NXPH2: variants seen among roughly 807,000 people sequenced by gnomAD.
The protein encoded by NXPH2 is neurexophilin 2.
In NXPH2, 5 loss-of-function variants were observed where a neutral mutation model predicts 19.8. The observed-to-expected ratio is 0.25, with a 90% CI of 0.13 to 0.53. NXPH2 has a LOEUF of 0.53. NXPH2 is among the 20% of genes least tolerant of loss of function. The probability of loss-of-function intolerance (pLI) is 0.96; values close to 1 mark genes in which losing one functional copy is unlikely to be tolerated. For synonymous variants in NXPH2, 154 were observed against 127.4 expected, an observed-to-expected ratio of 1.21 and a Z score of -1.41; for missense variants, 289 against 322.8, an observed-to-expected ratio of 0.90 and a Z score of 0.80.
intron 1 of NXPH2, among the ~76,000 whole-genome samples, chr2:138,771,187 T>A (rs1682169428): frequency 6.6e-6 from 1 of 152,102 alleles, no homozygotes. Flanking sequence ...ACAATTTAAA[T>A]ATTAATTAGA....
rs562110527 is a variant in NXPH2 at position 138,703,115 on chromosome 2, T to C, written c.52-31450A>G. ...CCAGGAACTTAAAGTCCATTTTTCTTTTATATCGTCAGGACCCAGTGACTG... is the reference window on the plus strand; with the variant it reads ...CCAGGAACTTAAAGTCCATTTTTCTCTTATATCGTCAGGACCCAGTGACTG... On this transcript the variant is annotated intron_variant, in intron 1 of 1. Transcript: ENST00000272641. Among the ~76,000 whole-genome samples, 46 of 152,308 alleles carry C rather than the reference T, an allele frequency of 3.0e-4. 2 individuals carry two copies. In the South Asian group the frequency reaches 9.5e-3, roughly 32 times the overall value.
chr2:138,688,839 C>T (rs1010070248), intron 1 of NXPH2, among the ~76,000 whole-genome samples: 3 of 152,172 alleles, frequency 2.0e-5, no homozygotes, highest in Admixed American at 1.3e-4. Context: ...CCCCCAACCC[C>T]CGGCCGAAAC....
chr2:138,691,437 A>T (rs1680745374), intron 1 of NXPH2, among the ~76,000 whole-genome samples: 1 of 152,182 alleles, frequency 6.6e-6, no homozygotes, highest in Non-Finnish European at 1.5e-5. Flanking sequence ...ACATATATTA[A>T]TTGACAGTCT....
intron 1 of NXPH2, among the ~76,000 whole-genome samples, chr2:138,704,600 C>A (rs1452259961): frequency 6.6e-6 from 1 of 152,150 alleles, no homozygotes; most frequent in East Asian, 1.9e-4. Context: ...GCCTGCACAT[C>A]TTCAAGGTAT....
chr2:138,739,612 A>G (rs1681612165), intron 1 of NXPH2, among the ~76,000 whole-genome samples: 2 of 152,136 alleles, frequency 1.3e-5, no homozygotes, highest in Admixed American at 6.5e-5. Flanking sequence ...TGGTGGGGGC[A>G]GGTTACTGAG....
Position 138,780,180 on chromosome 2 carries a change from C to A in NXPH2, c.51+11G>T. On this transcript the variant is annotated intron_variant, in intron 1 of 1. Transcript: ENST00000272641. ...CCGGCGTGTGGGACGGCGCGCGGGC[C>A]GGGCACTCACCAGCTGCAGCAAGCC... The A allele has an allele frequency of 1.3e-6, 2 of 1,490,022 alleles. No individual in the cohort carries two copies. Among genetic ancestry groups the A allele is most frequent in the Non-Finnish European group, 8.9e-7 (1 of 1,128,106 alleles). The allele number at this position is 1,490,022 out of a possible 1,614,324, so 92.3% of individuals were successfully genotyped here.
intron 1 of NXPH2, among the ~76,000 whole-genome samples, chr2:138,674,185 G>C (rs1680452867): frequency 6.6e-6 from 1 of 151,270 alleles, no homozygotes; most frequent in East Asian, 1.9e-4. Context: ...ATACAGTCTT[G>C]TTCTATCACC....
chr2:138,768,118 C>T (rs547374447), intron 1 of NXPH2, among the ~76,000 whole-genome samples: 3 of 152,264 alleles, frequency 2.0e-5, no homozygotes, highest in African/African-American at 7.2e-5. Context: ...ATCTTTTTGA[C>T]TCTCTGAGAA....
chr2:138,675,959 G>A (rs1456723364), intron 1 of NXPH2, among the ~76,000 whole-genome samples: 1 of 3,598 alleles, frequency 2.8e-4, no homozygotes, highest in Non-Finnish European at 9.5e-4. Flanking sequence ...ATACATATGT[G>A]TGTGTGTGTG....
chr2:138,694,107 G>A (rs1030140005), intron 1 of NXPH2, among the ~76,000 whole-genome samples: 1 of 151,960 alleles, frequency 6.6e-6, no homozygotes, highest in Non-Finnish European at 1.5e-5. Context: ...CAAAAAAGAC[G>A]ATTTTAAAAA....
At chr2:138,681,601 G>A (rs1003147509) in intron 1 of NXPH2, among the ~76,000 whole-genome samples, 2 of 152,108 alleles carry the variant, frequency 1.3e-5, no homozygotes, top group Non-Finnish European at 2.9e-5. Context: ...GACTTTCCAG[G>A]ACTAAGCTGA....
chr2:138,748,468 G>T (rs1413084074), intron 1 of NXPH2, among the ~76,000 whole-genome samples: 1 of 152,182 alleles, frequency 6.6e-6, no homozygotes, highest in Non-Finnish European at 1.5e-5. Flanking sequence ...TATAGGACAA[G>T]AATAGAGTAC....
At chr2:138,775,191 A>G (rs1682242355) in intron 1 of NXPH2, among the ~76,000 whole-genome samples, 1 of 152,144 alleles carries the variant, frequency 6.6e-6, no homozygotes, top group Admixed American at 6.5e-5. Flanking sequence ...TAAATAATGG[A>G]AATTTCATTT....
chr2:138,699,892 A>G (rs1472164393), intron 1 of NXPH2, among the ~76,000 whole-genome samples: 1 of 152,212 alleles, frequency 6.6e-6, no homozygotes, highest in Non-Finnish European at 1.5e-5. Flanking sequence ...ATAGATTAGG[A>G]TATAAGTCGA....
intron 1 of NXPH2, among the ~76,000 whole-genome samples, chr2:138,756,180 A>G (rs1681906047): frequency 6.6e-6 from 1 of 152,078 alleles, no homozygotes; most frequent in African/African-American, 2.4e-5. Flanking sequence ...CTTCCTTTCT[A>G]ATATGAACAC....
At chr2:138,723,748 C>T (rs943456502) in intron 1 of NXPH2, among the ~76,000 whole-genome samples, 1 of 152,114 alleles carries the variant, frequency 6.6e-6, no homozygotes, top group African/African-American at 2.4e-5. Context: ...AGAAGCTCAC[C>T]CACTCGCCCA....
intron 1 of NXPH2, among the ~76,000 whole-genome samples, chr2:138,760,607 G>A (rs1681996263): frequency 6.6e-6 from 1 of 152,148 alleles, no homozygotes; most frequent in Non-Finnish European, 1.5e-5. Flanking sequence ...GTTTCTCCAA[G>A]TGTCATCTCA....
At chr2:138,677,970 T>A (rs1268203161) in intron 1 of NXPH2, among the ~76,000 whole-genome samples, 2 of 152,306 alleles carry the variant, frequency 1.3e-5, no homozygotes, top group East Asian at 3.9e-4. Flanking sequence ...TATTGATACA[T>A]TATTACTAAC....
intron 1 of NXPH2, among the ~76,000 whole-genome samples, chr2:138,779,953 C>T (rs1408173783): frequency 1.3e-5 from 2 of 152,270 alleles, no homozygotes; most frequent in East Asian, 1.9e-4. Flanking sequence ...CCTACTTTAC[C>T]CCAGCGCTCA....
Sources: allele counts gnomAD v4.1 joint callset (sites outside exome capture counted in the v4.1 genomes callset), GRCh38; gene constraint gnomAD v4.1.1; transcripts MANE v1.5; gene names NCBI Gene and HGNC (gene_info 2026-07-23, HGNC 2026-07-21).